Variants in IRF3 observed in about 807,000 individuals in gnomAD.
IRF3 encodes the protein interferon regulatory factor 3.
A neutral mutation model predicts 43.2 loss-of-function variants in IRF3; 29 were observed. The ratio of observed to expected loss-of-function variants is 0.67; its 90% confidence interval spans 0.50 to 0.91. The LOEUF (loss-of-function observed/expected upper bound fraction) is 0.91, where lower values mean the gene tolerates loss of function less well. Among genes scored for constraint, IRF3 ranks in the 40% least tolerant of loss-of-function variants. The pLI, the probability that IRF3 is intolerant of heterozygous loss-of-function variation, is 0.00. For missense variants in IRF3, 505 were observed against 559.1 expected (o/e 0.90, Z 0.98); for synonymous variants, 228 against 233.9 (o/e 0.97, Z 0.23).
At chr19:49,664,501 A>T (rs752998556) in intron 2 of IRF3, 173 bp downstream of exon 2, 1 of 1,563,234 alleles carries the variant, frequency 6.4e-7, no homozygotes, top group African/African-American at 1.4e-5. Flanking sequence ...GCGCCCCACC[A>T]TCAGTCAGCG....
chr19:49,664,313 C>T (rs1048093588), intron 2 of IRF3: 3 of 606,162 alleles, frequency 4.9e-6, no homozygotes, highest in Admixed American at 4.8e-5. Context: ...AGTTAGGAAC[C>T]TCAGATTTGG....
rs2081677390 is a variant in IRF3 at position 49,665,602 on chromosome 19, C to T, written c.-9+29G>A. 4.9e-5 allele frequency: 28 copies of T among 573,768 alleles called. 1 individual carries two copies. In the South Asian group the frequency reaches 6.1e-4, roughly 12 times the overall value. The allele number at this position is 573,768 out of a possible 1,614,324, so 35.5% of individuals were successfully genotyped here. The stretch of plus-strand genomic sequence containing the variant: ...CCCGCTCCTCGCTCTCGGACGCCAC[C>T]AACGCTCTCCCGGGCTCTTCCGCGT... On this transcript the variant is annotated intron_variant, in intron 1 of 7. Coordinates refer to ENST00000377139, the MANE Select transcript of IRF3 (RefSeq NM_001571.6).
chr19:49,660,551 G>T (rs553277365), intron 7 of IRF3, among the ~76,000 whole-genome samples, 162 bp downstream of exon 7: 3 of 152,266 alleles, frequency 2.0e-5, no homozygotes, highest in African/African-American at 7.2e-5. Flanking sequence ...CTGCAGGTGA[G>T]GCCATGGGAA....
At chr19:49,665,020 T>G (rs2081601290) in intron 1 of IRF3, 174 bp from the exon 2 acceptor site, 1 of 670,524 alleles carries the variant, frequency 1.5e-6, no homozygotes, top group Admixed American at 3.1e-5. Flanking sequence ...CCCGAGAGGC[T>G]CTCTAATCAG....
chr19:49,664,510 C>A (rs745850409), intron 2 of IRF3, 164 bp downstream of exon 2: 4 of 1,572,492 alleles, frequency 2.5e-6, no homozygotes, highest in Non-Finnish European at 3.4e-6. Flanking sequence ...CATCAGTCAG[C>A]GGATCCGGCT....
Position 49,660,026 on chromosome 19 carries a change from CA to C in IRF3, c.1099-194del, listed in dbSNP as rs753705871. On this transcript the variant is annotated intron_variant, in intron 7 of 7. Coordinates refer to ENST00000377139, the MANE Select transcript of IRF3 (RefSeq NM_001571.6). The stretch of plus-strand genomic sequence containing the variant: ...ACACACACACACACACACACACACA[CA>C]CCCCCTGCTGTAACTGAACCATAGG... Among the ~76,000 whole-genome samples, 58 of 118,962 alleles carry C rather than the reference CA, an allele frequency of 4.9e-4. 1 individual carries two copies. The highest frequency in any genetic ancestry group is 3.0e-4 in the Non-Finnish European group (18 of 60,346). 78.0% of individuals were successfully genotyped at this position (118,962 alleles called of 152,430 possible).
At chr19:49,664,975 A>G (rs2081596823) in intron 1 of IRF3, 129 bp from the exon 2 acceptor site, 6 of 973,630 alleles carry the variant, frequency 6.2e-6, no homozygotes, top group South Asian at 1.7e-5. Context: ...TCGGGGGTAC[A>G]AACAGGAAAC....
At chr19:49,661,791 G>T in intron 6 of IRF3, 157 bp downstream of exon 6, 1 of 829,498 alleles carries the variant, frequency 1.2e-6, no homozygotes, top group Non-Finnish European at 1.9e-6. Context: ...ATGTTGACCA[G>T]GCTGGTCTCG....
intron 4 of IRF3, 145 bp downstream of exon 4, chr19:49,663,043 G>T (rs546431670): frequency 1.9e-5 from 14 of 749,094 alleles, no homozygotes; most frequent in South Asian, 1.8e-4. Flanking sequence ...TGAGGAGACC[G>T]GGGCAGGGAC....
intron 2 of IRF3, chr19:49,664,303 A>T: frequency 1.9e-6 from 1 of 527,762 alleles, no homozygotes. Context: ...CTAATTCGGT[A>T]GTTAGGAACC....
At chr19:49,661,613 C>T (rs986537962) in intron 6 of IRF3, 7 of 193,182 alleles carry the variant, frequency 3.6e-5, no homozygotes, top group Admixed American at 1.8e-4. Context: ...TGGAGTCTTA[C>T]TCTGTCACCA....
rs2081222775 is a variant in IRF3, at chr19:49,660,005, ACACACACACACACACACACACAC to A, written c.1099-195_1099-173del. 3.3e-5 allele frequency among the ~76,000 whole-genome samples: 4 copies of A among 120,620 alleles called. No individual in the cohort carries two copies. The East Asian group carries it at 8.5e-4, about 26-fold the overall frequency. The allele number at this position is 120,620 out of a possible 152,430, so 79.1% of individuals were successfully genotyped here. ...GTTTTACACACACACACACACACAC[ACACACACACACACACACACACAC>A]CCCCTGCTGTAACTGAACCATAGGC... On this transcript the variant is annotated intron_variant, in intron 7 of 7. Transcript: ENST00000377139.
chr19:49,664,559 T>G (rs760101930), intron 2 of IRF3, 115 bp downstream of exon 2: 2 of 1,606,220 alleles, frequency 1.2e-6, no homozygotes, highest in South Asian at 2.2e-5. Context: ...CCACCAGCGT[T>G]GGCACGAGCC....
chr19:49,659,842 G>C lies in IRF3; in HGVS notation c.1099-9C>G, dbSNP rs2122553103. 2 of 1,571,376 alleles carry C rather than the reference G, an allele frequency of 1.3e-6. No homozygotes were observed. Among genetic ancestry groups the C allele is most frequent in the African/African-American group, 2.7e-5 (2 of 74,248 alleles). On this transcript the variant is annotated splice_polypyrimidine_tract_variant and intron_variant, in intron 7 of 7. Transcript: ENST00000377139. The stretch of plus-strand genomic sequence containing the variant: ...AGGCACGTGGGCACAACCTGCAGGG[G>C]AAGTGGGGACAGGAGTCAGGGAAAA...
In IRF3 at chr19:49,661,953, A is replaced by G. The variant is rs766332611; in HGVS notation, c.977T>C (p.Ile326Thr). The change falls in exon 6 of 8, where the codon ATT (isoleucine) becomes ACT (threonine). Residue 326 changes from isoleucine (I) to threonine (T), a missense_variant. Physicochemically the swap from Ile to Thr is moderately conservative, Grantham distance 89. Coordinates refer to ENST00000377139, the MANE Select transcript of IRF3 (RefSeq NM_001571.6). ...GAAGCCCCTGTCTCACTCACCTACA[A>G]TGAAGGGCCCCAGGTCAAACACGCC... Reference protein sequence around the residue: ...EGGVFDLGPFIVDLITFTEGS... With the variant: ...EGGVFDLGPFTVDLITFTEGS... 13 of 1,605,726 alleles carry G rather than the reference A, an allele frequency of 8.1e-6. No individual in the cohort carries two copies. The highest frequency in any genetic ancestry group is 1.1e-5 in the Non-Finnish European group (13 of 1,174,614).
chr19:49,663,255 A>T lies in IRF3; in HGVS notation c.341T>A (p.Val114Asp), dbSNP rs892151580. The T allele has an allele frequency of 1.2e-5, 20 of 1,613,838 alleles. No homozygotes were observed. The highest frequency in any genetic ancestry group is 1.7e-5 in the Non-Finnish European group (20 of 1,180,002). ...HKIYEFVNSG[V>D]GDFSQPDTSP... ...GGTGTCTGGCTGGGAAAAGTCCCCAACTCCTGTTGAGAAAAGTGGTGAGGG... is the reference window on the plus strand; with the variant it reads ...GGTGTCTGGCTGGGAAAAGTCCCCATCTCCTGTTGAGAAAAGTGGTGAGGG... Residue 114 changes from valine to aspartate, a missense_variant, in exon 4 of 8, where the codon GTT (valine) becomes GAT (aspartate). By Grantham distance (152) the Val-to-Asp change is radical (BLOSUM62 -3). Transcript: ENST00000377139.
rs1272807632 is a variant in IRF3, at chr19:49,662,480, G to A, written c.546C>T (p.Phe182=). 6.3e-7 allele frequency: 1 copy of A among 1,587,560 alleles called. No individual in the cohort carries two copies. Among genetic ancestry groups the A allele is most frequent in the Non-Finnish European group, 8.6e-7 (1 of 1,167,802 alleles). Residue 182 remains phenylalanine, a synonymous_variant, in exon 5 of 8, where the codon TTC becomes TTT. Coordinates refer to ENST00000377139, the MANE Select transcript of IRF3 (RefSeq NM_001571.6). Reference sequence around the variant, plus strand: ...GGTTCTCAGAGGGCCCCAGGTTTGGGAAGGGAGTGGGATTGTCCAAGCTGG... The same window carrying A: ...GGTTCTCAGAGGGCCCCAGGTTTGGAAAGGGAGTGGGATTGTCCAAGCTGG... The part of the protein sequence containing the change: ...RSPSLDNPTP[F]PNLGPSENPL...
At position 49,665,840 on chromosome 19, in the gene IRF3, GGC is replaced by G. The variant is rs2081711835; in HGVS notation, c.-220_-219del. ...CAAAAGCCGATGGGACGGCCCGCTG[GGC>G]TGTTCCCGCCCCTATGCCCTTTTTT... On this transcript the variant is annotated 5_prime_UTR_variant, in exon 1 of 8. Transcript: ENST00000377139. 1 of 1,598,108 alleles carries G rather than the reference GGC, an allele frequency of 6.3e-7. No individual in the cohort carries two copies. Among genetic ancestry groups the G allele is most frequent in the African/African-American group, 1.3e-5 (1 of 74,628 alleles).
chr19:49,664,858 G>A lies in IRF3; in HGVS notation c.-8-12C>T. 5.6e-6 allele frequency: 9 copies of A among 1,600,988 alleles called. No individual in the cohort carries two copies. The highest frequency in any genetic ancestry group is 7.7e-6 in the Non-Finnish European group (9 of 1,172,138). Reference sequence around the variant, plus strand: ...TCCCATGGTCCGGCCTGCGCGTATAGGGCATTTCCTGGGCGCGACCGGCCT... The same window carrying A: ...TCCCATGGTCCGGCCTGCGCGTATAAGGCATTTCCTGGGCGCGACCGGCCT... On this transcript the variant is annotated splice_polypyrimidine_tract_variant and intron_variant, in intron 1 of 7. Coordinates refer to ENST00000377139, the MANE Select transcript of IRF3 (RefSeq NM_001571.6).
Sources: allele counts gnomAD v4.1 joint callset (sites outside exome capture counted in the v4.1 genomes callset), GRCh38; gene constraint gnomAD v4.1.1; transcripts MANE v1.5; gene names NCBI Gene and HGNC (gene_info 2026-07-23, HGNC 2026-07-21).